KIF6: variants seen among roughly 807,000 people sequenced by gnomAD.
KIF6 encodes kinesin-like protein KIF6.
KIF6 carries 106 observed loss-of-function variants against 112.7 expected under a neutral mutation model. That is an observed-to-expected ratio of 0.94 (90% CI 0.80 to 1.11). The LOEUF is 1.11. Ranked by LOEUF, KIF6 falls within the 50% of genes least tolerant of loss-of-function variation. The pLI is 0.00. For missense variants in KIF6, 929 were observed against 964.0 expected, an observed-to-expected ratio of 0.96 and a Z score of 0.48; for synonymous variants, 339 against 339.9, an observed-to-expected ratio of 1.00 and a Z score of 0.03.
chr6:39,336,928 CTTCT>C (rs373034623), intron 22 of KIF6, among the ~76,000 whole-genome samples: 3,571 of 138,928 alleles, frequency 0.026, 122 homozygotes, highest in African/African-American at 0.098. Flanking sequence ...TTCCCTTTCT[CTTCT>C]TTCTTTCTTT....
At chr6:39,670,652 G>A (rs566180834) in intron 3 of KIF6, among the ~76,000 whole-genome samples, 92 of 152,092 alleles carry the variant, frequency 6.0e-4, no homozygotes, top group African/African-American at 2.1e-3. Context: ...AGGATCCTCC[G>A]CACAGTTCAA....
chr6:39,658,822 G>A (rs192500218), intron 3 of KIF6, among the ~76,000 whole-genome samples: 3 of 152,284 alleles, frequency 2.0e-5, no homozygotes, highest in Non-Finnish European at 4.4e-5. Context: ...AGCCAACATG[G>A]TGTGTGGCTC....
intron 16 of KIF6, among the ~76,000 whole-genome samples, 168 bp from the exon 17 acceptor site, chr6:39,362,686 G>A (rs1765255156): frequency 6.6e-6 from 1 of 152,194 alleles, no homozygotes; most frequent in Admixed American, 6.5e-5. Flanking sequence ...AGCCCTGAGA[G>A]GAGCAGCTTC....
intron 5 of KIF6, among the ~76,000 whole-genome samples, chr6:39,615,582 G>GT (rs1783477906): frequency 6.6e-6 from 1 of 151,574 alleles, no homozygotes; most frequent in Admixed American, 6.6e-5. Flanking sequence ...GTATGGTCTG[G>GT]GTATTAGAAT....
chr6:39,511,313 T>C (rs560816177), intron 13 of KIF6, among the ~76,000 whole-genome samples: 3 of 152,304 alleles, frequency 2.0e-5, no homozygotes, highest in African/African-American at 7.2e-5. Context: ...AAAGAAGACA[T>C]TTATGCAGCC....
chr6:39,352,569 G>T (rs1366669456), intron 19 of KIF6, among the ~76,000 whole-genome samples: 2 of 150,338 alleles, frequency 1.3e-5, no homozygotes. Context: ...TAAGCAATAT[G>T]CATTGCAGGT....
chr6:39,497,985 G>A (rs1451552415), intron 13 of KIF6, among the ~76,000 whole-genome samples: 1 of 152,080 alleles, frequency 6.6e-6, no homozygotes. Context: ...TTAGAGAAAG[G>A]AGAATTCCAT....
At chr6:39,718,264 G>A (rs762206730) in intron 2 of KIF6, among the ~76,000 whole-genome samples, 14 of 149,038 alleles carry the variant, frequency 9.4e-5, no homozygotes, top group Non-Finnish European at 1.8e-4. Flanking sequence ...GAATACTTTG[G>A]ATAGGGTCCA....
intron 3 of KIF6, among the ~76,000 whole-genome samples, chr6:39,693,523 G>A (rs1788345398): frequency 6.6e-6 from 1 of 151,902 alleles, no homozygotes; most frequent in African/African-American, 2.4e-5. Context: ...AGGTCCTCAG[G>A]GACTACTATG....
At chr6:39,379,010 A>G (rs1489807538) in intron 16 of KIF6, among the ~76,000 whole-genome samples, 3 of 152,200 alleles carry the variant, frequency 2.0e-5, no homozygotes, top group African/African-American at 7.2e-5. Flanking sequence ...ACATTTCGGT[A>G]TCTTTTGTAA....
intron 13 of KIF6, among the ~76,000 whole-genome samples, chr6:39,441,146 C>T (rs913214444): frequency 3.3e-5 from 5 of 152,086 alleles, no homozygotes; most frequent in Non-Finnish European, 2.9e-5. Context: ...CCTATGTTAC[C>T]GCTTTCACTC....
At chr6:39,493,450 ATG>A (rs1775593410) in intron 13 of KIF6, among the ~76,000 whole-genome samples, 1 of 152,232 alleles carries the variant, frequency 6.6e-6, no homozygotes, top group Non-Finnish European at 1.5e-5. Flanking sequence ...TTTGCAAGGC[ATG>A]TGACAGATTC....
chr6:39,528,058 T>C (rs141681430), intron 13 of KIF6, among the ~76,000 whole-genome samples: 165 of 152,330 alleles, frequency 1.1e-3, no homozygotes, highest in Admixed American at 2.5e-3. Flanking sequence ...TATCTCAAAG[T>C]AAAAGACAAC....
intron 13 of KIF6, among the ~76,000 whole-genome samples, chr6:39,434,140 T>C (rs1295694253): frequency 6.6e-6 from 1 of 152,116 alleles, no homozygotes; most frequent in African/African-American, 2.4e-5. Flanking sequence ...GAGACAATCG[T>C]CTATTTATTC....
At chr6:39,532,917 A>T (rs1778153965) in intron 13 of KIF6, among the ~76,000 whole-genome samples, 1 of 152,210 alleles carries the variant, frequency 6.6e-6, no homozygotes, top group African/African-American at 2.4e-5. Context: ...CTGAGTGCAC[A>T]TCATGCTCTG....
At chr6:39,607,620 C>T (rs1190236456) in intron 6 of KIF6, among the ~76,000 whole-genome samples, 2 of 151,894 alleles carry the variant, frequency 1.3e-5, no homozygotes, top group Non-Finnish European at 2.9e-5. Flanking sequence ...GAGGTGGAGT[C>T]GCACTATGTT....
chr6:39,448,947 A>G (rs1772510829), intron 13 of KIF6, among the ~76,000 whole-genome samples: 1 of 152,206 alleles, frequency 6.6e-6, no homozygotes, highest in African/African-American at 2.4e-5. Context: ...ATATCAGTAA[A>G]TGGCACCATT....
At chr6:39,386,733 A>AATTCCATG (rs527869104) in intron 15 of KIF6, among the ~76,000 whole-genome samples, 23 of 152,154 alleles carry the variant, frequency 1.5e-4, no homozygotes, top group African/African-American at 4.8e-4. Context: ...CCGTCTCTAA[A>AATTCCATG]ATTCCATGAT....
intron 13 of KIF6, among the ~76,000 whole-genome samples, chr6:39,529,476 CA>C (rs770991045): frequency 7.9e-5 from 12 of 151,910 alleles, no homozygotes; most frequent in African/African-American, 1.9e-4. Flanking sequence ...GAAAGAAAAC[CA>C]ATAATTCAAT....
Sources: gnomAD v4.1 joint callset for allele counts (sites outside exome capture counted in the v4.1 genomes callset) on GRCh38, gnomAD v4.1.1 for gene constraint, MANE v1.5 for transcripts, NCBI Gene and HGNC (gene_info 2026-07-23, HGNC 2026-07-21) for gene names.